The following CNTN5 variants were observed in gnomAD, a reference collection of about 807,000 sequenced individuals.
The protein encoded by CNTN5 is contactin 5, also known as contactin-5.
CNTN5 carries 77 observed loss-of-function variants against 129.1 expected under a neutral mutation model. That is an observed-to-expected ratio of 0.60 (90% confidence interval 0.50 to 0.72). The LOEUF (loss-of-function observed/expected upper bound fraction) is 0.72, where lower values mean the gene tolerates loss of function less well. CNTN5 is among the 30% of genes least tolerant of loss of function. The pLI is 0.00. For synonymous variants in CNTN5, 509 were observed against 465.6 expected, an observed-to-expected ratio of 1.09 and a Z score of -1.20; for missense variants, 1,478 against 1,328.8, an observed-to-expected ratio of 1.11 and a Z score of -1.75.
At chr11:100,038,455 G>T (rs1281539896) in intron 9 of CNTN5, among the ~76,000 whole-genome samples, 1 of 152,202 alleles carries the variant, frequency 6.6e-6, no homozygotes, top group Non-Finnish European at 1.5e-5. Flanking sequence ...TTGATTTGGG[G>T]TGGAGAGTTC....
intron 7 of CNTN5, among the ~76,000 whole-genome samples, chr11:99,926,209 C>G (rs763339635): frequency 6.6e-6 from 1 of 152,252 alleles, no homozygotes. Flanking sequence ...AAATCATTAT[C>G]TGCTAACATT....
At chr11:99,896,844 C>T (rs541544243) in intron 6 of CNTN5, among the ~76,000 whole-genome samples, 48 of 152,136 alleles carry the variant, frequency 3.2e-4, no homozygotes, top group Admixed American at 5.9e-4. Context: ...GAAGGGCCCA[C>T]GTCACAGCTG....
intron 1 of CNTN5, among the ~76,000 whole-genome samples, chr11:99,069,446 G>A (rs941591934): frequency 3.3e-5 from 5 of 152,182 alleles, no homozygotes; most frequent in South Asian, 2.1e-4. Flanking sequence ...CAGTGGAGAG[G>A]TCAGATTGCT....
chr11:99,780,835 C>G (rs1198226592), intron 3 of CNTN5, among the ~76,000 whole-genome samples: 1 of 151,960 alleles, frequency 6.6e-6, no homozygotes, highest in South Asian at 2.1e-4. Flanking sequence ...AAAAGTGCAA[C>G]TTCAAGGAAA....
At chr11:99,886,134 A>C (rs571405476) in intron 6 of CNTN5, among the ~76,000 whole-genome samples, 6 of 152,124 alleles carry the variant, frequency 3.9e-5, no homozygotes, top group Non-Finnish European at 8.8e-5. Context: ...TAGATAAAAC[A>C]TATAGAAATA....
intron 16 of CNTN5, among the ~76,000 whole-genome samples, chr11:100,235,333 G>A (rs1949587029): frequency 6.6e-6 from 1 of 152,156 alleles, no homozygotes; most frequent in African/African-American, 2.4e-5. Context: ...AGATCAGTCA[G>A]AGTGATGGAG....
chr11:99,829,455 G>T (rs1947068586), intron 4 of CNTN5, among the ~76,000 whole-genome samples: 1 of 152,120 alleles, frequency 6.6e-6, no homozygotes, highest in Non-Finnish European at 1.5e-5. Context: ...ACTTGATTGA[G>T]GTGAAGAGAT....
intron 7 of CNTN5, among the ~76,000 whole-genome samples, chr11:99,955,854 G>T (rs1950789126): frequency 6.6e-6 from 1 of 152,084 alleles, no homozygotes; most frequent in African/African-American, 2.4e-5. Flanking sequence ...GTTAGCCCCC[G>T]TGTGCAGCCT....
intron 3 of CNTN5, among the ~76,000 whole-genome samples, chr11:99,656,216 T>G (rs1952358400): frequency 6.6e-6 from 1 of 152,050 alleles, no homozygotes; most frequent in African/African-American, 2.4e-5. Context: ...AATTGTAAGG[T>G]ATGAAAAAGA....
intron 13 of CNTN5, among the ~76,000 whole-genome samples, chr11:100,131,903 C>A (rs998084562): frequency 1.3e-5 from 2 of 151,886 alleles, no homozygotes; most frequent in African/African-American, 4.8e-5. Flanking sequence ...ATTCTAGGGA[C>A]CTTAGAGAAG....
At chr11:99,531,885 T>A (rs1172551779) in intron 2 of CNTN5, among the ~76,000 whole-genome samples, 1 of 152,188 alleles carries the variant, frequency 6.6e-6, no homozygotes, top group Admixed American at 6.5e-5. Flanking sequence ...GGCGGGGCCC[T>A]ACATTCTCCA....
intron 3 of CNTN5, among the ~76,000 whole-genome samples, chr11:99,792,573 G>C (rs2845942): frequency 0.018 from 2,063 of 116,646 alleles, 17 homozygotes; most frequent in Admixed American, 0.021. Flanking sequence ...GTGTGTGTGT[G>C]TGTCTGTCTG....
chr11:99,647,964 A>G (rs1952026920), intron 3 of CNTN5, among the ~76,000 whole-genome samples: 1 of 151,816 alleles, frequency 6.6e-6, no homozygotes, highest in South Asian at 2.1e-4. Context: ...ATAAGATCAC[A>G]TGGTCTACAC....
chr11:99,811,653 A>C (rs1431461963), intron 3 of CNTN5, among the ~76,000 whole-genome samples: 2 of 152,050 alleles, frequency 1.3e-5, no homozygotes, highest in African/African-American at 4.8e-5. Flanking sequence ...TTTATTAAAT[A>C]ATGCAAGTTC....
chr11:100,170,130 C>A (rs1016040376), intron 13 of CNTN5, among the ~76,000 whole-genome samples: 1 of 151,958 alleles, frequency 6.6e-6, no homozygotes. Flanking sequence ...TAATTGAACG[C>A]CTTCTATTAG....
intron 1 of CNTN5, among the ~76,000 whole-genome samples, chr11:99,202,501 T>G (rs962229737): frequency 2.6e-5 from 4 of 152,166 alleles, no homozygotes; most frequent in African/African-American, 9.6e-5. Context: ...GGAAAAATAC[T>G]AAAAGTAAAA....
chr11:99,865,863 A>G lies in CNTN5; in HGVS notation c.577+20601A>G, dbSNP rs367748848. The stretch of plus-strand genomic sequence containing the variant: ...TGGTTTGGTTTCACTTGTTTTAATT[A>G]TTTTTTGATGATTTAAGACACTAGC... On this transcript the variant is annotated intron_variant, in intron 6 of 24. Transcript: ENST00000524871. 5.4e-4 allele frequency among the ~76,000 whole-genome samples: 82 copies of G among 152,134 alleles called. 1 individual carries two copies. In the East Asian group the frequency reaches 0.011, roughly 21 times the overall value.
chr11:99,776,330 A>C (rs1395049421), intron 3 of CNTN5, among the ~76,000 whole-genome samples: 1 of 151,940 alleles, frequency 6.6e-6, no homozygotes, highest in Non-Finnish European at 1.5e-5. Flanking sequence ...GTAGGTGGGG[A>C]TGTTTAATTT....
At chr11:100,296,147 C>G (rs183997862) in intron 18 of CNTN5, among the ~76,000 whole-genome samples, 5 of 151,428 alleles carry the variant, frequency 3.3e-5, no homozygotes, top group Admixed American at 2.0e-4. Context: ...GTGTCTTACC[C>G]GTAACATTGA....
Sources: allele counts gnomAD v4.1 joint callset (sites outside exome capture counted in the v4.1 genomes callset), GRCh38; gene constraint gnomAD v4.1.1; transcripts MANE v1.5; gene names NCBI Gene and HGNC (gene_info 2026-07-23, HGNC 2026-07-21).